The following RAVER2 variants were observed in gnomAD, a reference collection of about 807,000 sequenced individuals.
RAVER2 encodes the protein ribonucleoprotein, PTB binding 2.
A neutral mutation model predicts 78.1 loss-of-function variants in RAVER2; 46 were observed. The observed-to-expected ratio is 0.59, with a 90% CI of 0.46 to 0.75. The LOEUF (loss-of-function observed/expected upper bound fraction) is 0.75. Ranked by LOEUF, RAVER2 falls within the 30% of genes least tolerant of loss-of-function variation. The probability of loss-of-function intolerance (pLI) is 0.00; values close to 1 mark genes in which losing one functional copy is unlikely to be tolerated. For synonymous variants in RAVER2, 311 were observed against 313.3 expected, an observed-to-expected ratio of 0.99 and a Z score of 0.08; for missense variants, 793 against 837.5, an observed-to-expected ratio of 0.95 and a Z score of 0.66.
chr1:64,807,261 A>G lies in RAVER2; in HGVS notation c.1467A>G (p.Pro489=), dbSNP rs957801865. ...TAACAGCTGGAATGGGCATGTTACC[A>G]TTCTTTCCAAATCAGCACATTGCTG... The change falls in exon 9 of 12, where the codon CCA becomes CCG. Residue 489 remains proline, a synonymous_variant. Coordinates refer to ENST00000294428, the Ensembl canonical transcript of RAVER2. 8 of 1,614,070 alleles carry G rather than the reference A, an allele frequency of 5.0e-6. No individual in the cohort carries two copies. In the South Asian group the frequency reaches 5.5e-5, roughly 11 times the overall value.
intron 1 of RAVER2, among the ~76,000 whole-genome samples, chr1:64,758,506 C>T (rs1022840000): frequency 2.6e-5 from 4 of 152,036 alleles, no homozygotes; most frequent in African/African-American, 4.8e-5. Flanking sequence ...AGACGTGATT[C>T]GCTGTTTGTT....
rs186070531 is a variant in RAVER2, at chr1:64,784,364, A to T, written c.978+2793A>T. On this transcript the variant is annotated intron_variant, in intron 4 of 11. Transcript: ENST00000294428. ...TGCACTCCAGCCTGGGTGACAAAGT[A>T]AGACCTTGTCTCAAAAACAAAGCAA... Among the ~76,000 whole-genome samples, 353 of 152,276 alleles carry T rather than the reference A, an allele frequency of 2.3e-3. 1 individual carries two copies. The highest frequency in any genetic ancestry group is 3.8e-3 in the Non-Finnish European group (258 of 68,020).
chr1:64,784,998 C>A (rs1652739125), intron 4 of RAVER2, among the ~76,000 whole-genome samples: 1 of 152,136 alleles, frequency 6.6e-6, no homozygotes, highest in South Asian at 2.1e-4. Context: ...TTGCACAGTG[C>A]ACAGGAGAGC....
chr1:64,758,275 A>G (rs1297596347), intron 1 of RAVER2, among the ~76,000 whole-genome samples: 1 of 152,154 alleles, frequency 6.6e-6, no homozygotes, highest in African/African-American at 2.4e-5. Flanking sequence ...ACCATAATCC[A>G]TGGGACTTTG....
chr1:64,770,444 T>C (rs1224945934), intron 2 of RAVER2, among the ~76,000 whole-genome samples: 1 of 152,070 alleles, frequency 6.6e-6, no homozygotes, highest in Non-Finnish European at 1.5e-5. Flanking sequence ...CGGATCAAAG[T>C]GCTTCCTCAT....
At position 64,808,720 on chromosome 1, in the gene RAVER2, C is replaced by G. The variant is rs532448091; in HGVS notation, c.1680+1246C>G. On this transcript the variant is annotated intron_variant, in intron 9 of 11. Coordinates refer to ENST00000294428, the Ensembl canonical transcript of RAVER2. Reference sequence around the variant, plus strand: ...CAGGTGATCTTCCCGCCTCGGCTTCCCAATGTGCTGGTATTACAGGTGTGA... The same window carrying G: ...CAGGTGATCTTCCCGCCTCGGCTTCGCAATGTGCTGGTATTACAGGTGTGA... 2.0e-5 allele frequency among the ~76,000 whole-genome samples: 3 copies of G among 152,156 alleles called. 1 individual carries two copies. Among genetic ancestry groups the G allele is most frequent in the African/African-American group, 7.2e-5 (3 of 41,522 alleles).
intron 1 of RAVER2, among the ~76,000 whole-genome samples, chr1:64,751,490 C>T (rs1447396691): frequency 6.6e-6 from 1 of 152,202 alleles, no homozygotes; most frequent in East Asian, 1.9e-4. Context: ...GCTGTTACTG[C>T]AAAAGGGGTT....
intron 7 of RAVER2, 33 bp from the exon 8 acceptor site, chr1:64,804,958 C>A (rs757712033): frequency 6.3e-7 from 1 of 1,594,214 alleles, no homozygotes; most frequent in Non-Finnish European, 8.6e-7. Flanking sequence ...TATCTTATGG[C>A]CATGGGTCTT....
At chr1:64,751,297 G>A (rs1200641719) in intron 1 of RAVER2, among the ~76,000 whole-genome samples, 1 of 152,154 alleles carries the variant, frequency 6.6e-6, no homozygotes, top group Non-Finnish European at 1.5e-5. Flanking sequence ...TAAGTAGTAC[G>A]ACAACATCTA....
chr1:64,746,173 A>T (rs1651533243), intron 1 of RAVER2, among the ~76,000 whole-genome samples: 2 of 152,178 alleles, frequency 1.3e-5, no homozygotes, highest in Non-Finnish European at 1.5e-5. Flanking sequence ...CTGATTTCAA[A>T]AGCTGCATGC....
At chr1:64,816,245 A>G (rs1225879131) in intron 11 of RAVER2, 3 of 152,192 alleles carry the variant, frequency 2.0e-5, no homozygotes, top group Non-Finnish European at 4.4e-5. Context: ...TCTCATTCAC[A>G]CATGGAGAAA....
rs892067497 is a variant in RAVER2 at position 64,745,432 on chromosome 1, G to C, written c.249+11G>C. ...GACAGCAACTGCCAGGTACTGGGAC[G>C]GTGATAGGGGCGACGCGTCCCGAGG... On this transcript the variant is annotated intron_variant, in intron 1 of 11. Coordinates refer to ENST00000294428, the Ensembl canonical transcript of RAVER2. The surrounding 1 kb of genome is among the most constrained non-coding windows in gnomAD (Gnocchi z 4.3). The C allele has an allele frequency of 3.4e-5, 52 of 1,523,066 alleles. No homozygotes were observed. Among genetic ancestry groups the C allele is most frequent in the Middle Eastern group, 4.4e-4 (2 of 4,556 alleles). 94.3% of individuals were successfully genotyped at this position (1,523,066 alleles called of 1,614,324 possible).
chr1:64,798,786 A>G (rs1238833473), intron 5 of RAVER2, among the ~76,000 whole-genome samples: 1 of 152,146 alleles, frequency 6.6e-6, no homozygotes, highest in East Asian at 1.9e-4. Context: ...GTTTTTTTCC[A>G]TTAAGAAAAT....
chr1:64,832,281 ACT>A (rs1388260762), exon 12 of RAVER2: 14 of 152,364 alleles, frequency 9.2e-5, no homozygotes, highest in African/African-American at 2.2e-4. Context: ...GCTATACCTC[ACT>A]CTCTGCTTTC....
intron 3 of RAVER2, among the ~76,000 whole-genome samples, chr1:64,779,400 G>T (rs1462337955): frequency 1.3e-5 from 2 of 149,366 alleles, no homozygotes; most frequent in African/African-American, 5.0e-5. Flanking sequence ...TTTTTTTTTT[G>T]AGACAGGGTC....
intron 5 of RAVER2, among the ~76,000 whole-genome samples, chr1:64,801,168 A>G (rs1341063483): frequency 6.6e-6 from 1 of 151,444 alleles, no homozygotes; most frequent in African/African-American, 2.4e-5. Flanking sequence ...GCGTGATCTC[A>G]GCTCACTGCA....
chr1:64,829,228 GATAACTAC>G, intron 11 of RAVER2, among the ~76,000 whole-genome samples: 1 of 152,340 alleles, frequency 6.6e-6, no homozygotes, highest in East Asian at 1.9e-4. Flanking sequence ...TGAAAGAATA[GATAACTAC>G]ATGGCAAGAA....
At chr1:64,787,832 A>C (rs1197462072) in intron 4 of RAVER2, among the ~76,000 whole-genome samples, 1 of 151,644 alleles carries the variant, frequency 6.6e-6, no homozygotes, top group Non-Finnish European at 1.5e-5. Context: ...GGACCCATGC[A>C]CTCTCATGCT....
intron 6 of RAVER2, among the ~76,000 whole-genome samples, chr1:64,803,623 G>A (rs567171153): frequency 4.6e-5 from 7 of 152,056 alleles, no homozygotes; most frequent in South Asian, 2.1e-4. Flanking sequence ...ATATATAATC[G>A]AATTTTAATA....
Sources: allele counts gnomAD v4.1 joint callset (sites outside exome capture counted in the v4.1 genomes callset), GRCh38; gene constraint gnomAD v4.1.1; non-coding constraint Gnocchi (gnomAD v3.1); transcripts MANE v1.5; gene names NCBI Gene and HGNC (gene_info 2026-07-23, HGNC 2026-07-21).